Variants in ILDR1 observed in about 807,000 individuals in gnomAD.
ILDR1 encodes immunoglobulin-like domain-containing receptor 1.
ILDR1 carries 56 observed loss-of-function variants against 62.4 expected under a neutral mutation model. The ratio of observed to expected loss-of-function variants is 0.90; its 90% CI spans 0.72 to 1.12. ILDR1 has a LOEUF of 1.12. Among genes scored for constraint, ILDR1 ranks in the 50% most tolerant of loss-of-function variants. ILDR1 has a pLI of 0.00. For synonymous variants in ILDR1, 284 were observed against 277.8 expected, an observed-to-expected ratio of 1.02 and a Z score of -0.22; for missense variants, 736 against 710.6, an observed-to-expected ratio of 1.04 and a Z score of -0.41.
the ILDR1 span, among the ~76,000 whole-genome samples, chr3:122,046,301 T>C: frequency 3.4e-4 from 51 of 150,508 alleles, no homozygotes; most frequent in East Asian, 8.8e-3. Flanking sequence ...GTTAGTCTGA[T>C]GGGCTTCCCT....
chr3:122,029,151 GAC>G, the ILDR1 span, among the ~76,000 whole-genome samples: 4 of 152,246 alleles, frequency 2.6e-5, no homozygotes, highest in Non-Finnish European at 4.4e-5. Context: ...TGCTAATTAA[GAC>G]ACAAAACAAT....
Position 121,991,817 on chromosome 3 carries a change from T to G in ILDR1, c.1599+1333A>C, listed in dbSNP as rs1003405967. ...GGCCTGCTCCTTTGCACACACCATG[T>G]ATGTGATTGAGTTTTTAAAAAACTC... On this transcript the variant is annotated intron_variant, in intron 7 of 7. Transcript: ENST00000344209. 2.0e-5 allele frequency among the ~76,000 whole-genome samples: 3 copies of G among 152,214 alleles called. No individual in the cohort carries two copies. The East Asian group carries it at 5.8e-4, about 29-fold the overall frequency.
the ILDR1 span, among the ~76,000 whole-genome samples, chr3:122,037,761 G>T: frequency 1.8e-4 from 27 of 152,290 alleles, no homozygotes; most frequent in South Asian, 5.2e-3. Context: ...GGGGCAGAAT[G>T]ATATGGTTTG....
upstream of ILDR1, among the ~76,000 whole-genome samples, chr3:122,024,724 G>A (rs1576741562): frequency 1.3e-5 from 2 of 152,184 alleles, no homozygotes; most frequent in East Asian, 3.8e-4. Context: ...TGTGGAAACC[G>A]AGGTACAAAG....
At chr3:122,001,028 G>A (rs771043816) in intron 5 of ILDR1, among the ~76,000 whole-genome samples, 17 of 152,228 alleles carry the variant, frequency 1.1e-4, no homozygotes, top group Admixed American at 2.0e-4. Context: ...TCGAAGCACA[G>A]GTACATCAGG....
chr3:122,019,471 T>G (rs1255320869), intron 1 of ILDR1, among the ~76,000 whole-genome samples: 2 of 152,184 alleles, frequency 1.3e-5, no homozygotes, highest in South Asian at 4.1e-4. Flanking sequence ...TGATAGATAT[T>G]GAGAGCAAGA....
At chr3:121,992,498 T>C (rs1465033814) in intron 7 of ILDR1, among the ~76,000 whole-genome samples, 1 of 152,236 alleles carries the variant, frequency 6.6e-6, no homozygotes, top group Non-Finnish European at 1.5e-5. Flanking sequence ...CTAGGGGCCC[T>C]AAAGGCCTAC....
chr3:122,032,708 T>C, the ILDR1 span, among the ~76,000 whole-genome samples: 1 of 152,212 alleles, frequency 6.6e-6, no homozygotes, highest in Non-Finnish European at 1.5e-5. Flanking sequence ...CCTTGTCCAC[T>C]CTGGGAAAAG....
At chr3:122,041,252 A>C in the ILDR1 span, among the ~76,000 whole-genome samples, 33 of 151,794 alleles carry the variant, frequency 2.2e-4, no homozygotes, top group African/African-American at 7.7e-4. Context: ...GGTCATGAGG[A>C]CTCCCTCCCT....
chr3:122,029,051 T>C, the ILDR1 span, among the ~76,000 whole-genome samples: 1 of 152,152 alleles, frequency 6.6e-6, no homozygotes, highest in Non-Finnish European at 1.5e-5. Context: ...TATGCAGCTG[T>C]TAAAGTGGAT....
intron 3 of ILDR1, 21 bp downstream of exon 3, chr3:122,005,222 CT>C: frequency 3.2e-6 from 5 of 1,540,318 alleles, no homozygotes; most frequent in Non-Finnish European, 2.7e-6. Context: ...CCCAGTTCCC[CT>C]GACACCTCCC....
At chr3:122,055,010 A>T in the ILDR1 span, among the ~76,000 whole-genome samples, 1 of 151,250 alleles carries the variant, frequency 6.6e-6, no homozygotes. Flanking sequence ...TTAGGTGGCT[A>T]CTCACTCCCA....
the ILDR1 span, among the ~76,000 whole-genome samples, chr3:122,030,869 A>G: frequency 2.4e-4 from 36 of 152,230 alleles, no homozygotes; most frequent in Non-Finnish European, 1.5e-5. Flanking sequence ...TCTAATCTGC[A>G]GCCAGAGCTG....
chr3:121,997,263 C>T (rs2071450676), intron 5 of ILDR1, among the ~76,000 whole-genome samples: 1 of 152,194 alleles, frequency 6.6e-6, no homozygotes, highest in Non-Finnish European at 1.5e-5. Flanking sequence ...TACCAGTCCT[C>T]CCTGATTTGA....
At chr3:122,037,438 G>A in the ILDR1 span, among the ~76,000 whole-genome samples, 1 of 152,218 alleles carries the variant, frequency 6.6e-6, no homozygotes, top group Non-Finnish European at 1.5e-5. Flanking sequence ...TTATTTTGGA[G>A]CTTTAAGATT....
At chr3:122,036,612 C>T in the ILDR1 span, among the ~76,000 whole-genome samples, 2 of 150,344 alleles carry the variant, frequency 1.3e-5, no homozygotes, top group Admixed American at 6.6e-5. Context: ...AGGGAGGAAA[C>T]AGAGCATAAA....
the ILDR1 span, among the ~76,000 whole-genome samples, chr3:122,030,492 GC>G: frequency 1.3e-5 from 2 of 151,864 alleles, no homozygotes; most frequent in Non-Finnish European, 2.9e-5. Context: ...AATGCAAGAG[GC>G]TGTGATTGGT....
At chr3:122,031,806 A>T in the ILDR1 span, among the ~76,000 whole-genome samples, 1 of 152,206 alleles carries the variant, frequency 6.6e-6, no homozygotes, top group Non-Finnish European at 1.5e-5. Context: ...TAAACCATCC[A>T]GTCTATAGTA....
the ILDR1 span, among the ~76,000 whole-genome samples, chr3:122,030,237 G>T: frequency 5.9e-5 from 9 of 152,220 alleles, no homozygotes; most frequent in African/African-American, 2.2e-4. Context: ...GCATTCCTAG[G>T]ACTAGAGCCG....
Sources: allele counts gnomAD v4.1 joint callset (sites outside exome capture counted in the v4.1 genomes callset), GRCh38; gene constraint gnomAD v4.1.1; transcripts MANE v1.5; gene names NCBI Gene and HGNC (gene_info 2026-07-23, HGNC 2026-07-21).